The following PDGFD variants were observed in gnomAD, a reference collection of about 807,000 sequenced individuals.
The protein encoded by PDGFD is platelet derived growth factor D, also known as platelet-derived growth factor D.
PDGFD carries 30 observed loss-of-function variants against 44.7 expected under a neutral mutation model. That is an observed-to-expected ratio of 0.67 (90% CI 0.50 to 0.91). The LOEUF is 0.91. PDGFD is among the 40% of genes least tolerant of loss of function. The pLI is 0.00. For missense variants in PDGFD, 445 were observed against 457.8 expected, an observed-to-expected ratio of 0.97 and a Z score of 0.25; for synonymous variants, 173 against 168.4, an observed-to-expected ratio of 1.03 and a Z score of -0.21.
intron 1 of PDGFD, among the ~76,000 whole-genome samples, chr11:104,077,372 G>T (rs904403080): frequency 6.6e-6 from 1 of 152,174 alleles, no homozygotes; most frequent in Admixed American, 6.6e-5. Context: ...GCAAATTCTG[G>T]AAGAGAAAGA....
chr11:104,120,603 T>C (rs2134463005), intron 1 of PDGFD, among the ~76,000 whole-genome samples: 1 of 152,056 alleles, frequency 6.6e-6, no homozygotes, highest in East Asian at 1.9e-4. Flanking sequence ...TTTGTGTATG[T>C]TTACTATCTC....
chr11:104,143,900 C>G (rs932073074), intron 1 of PDGFD, among the ~76,000 whole-genome samples: 10 of 152,182 alleles, frequency 6.6e-5, no homozygotes, highest in Non-Finnish European at 1.3e-4. Flanking sequence ...AAATTTCTAT[C>G]CTTTTTCTTA....
intron 1 of PDGFD, among the ~76,000 whole-genome samples, chr11:104,055,775 A>G (rs1860609194): frequency 6.6e-6 from 1 of 152,146 alleles, no homozygotes; most frequent in Non-Finnish European, 1.5e-5. Flanking sequence ...GTGCTATAGA[A>G]ATTACTACTG....
intron 2 of PDGFD, 147 bp from the exon 3 acceptor site, chr11:103,996,392 A>G (rs1859535088): frequency 2.5e-6 from 2 of 802,592 alleles, no homozygotes; most frequent in Non-Finnish European, 3.8e-6. Flanking sequence ...TGTTAAAAGG[A>G]AAACTGGTTT....
At chr11:104,118,003 T>C (rs1433930818) in intron 1 of PDGFD, among the ~76,000 whole-genome samples, 1 of 152,004 alleles carries the variant, frequency 6.6e-6, no homozygotes, top group African/African-American at 2.4e-5. Context: ...AGTGACTAAA[T>C]TTTGTATATT....
At chr11:104,011,927 G>T (rs557318929) in intron 1 of PDGFD, among the ~76,000 whole-genome samples, 2 of 152,200 alleles carry the variant, frequency 1.3e-5, no homozygotes, top group East Asian at 3.9e-4. Context: ...ATTGTATTTT[G>T]ATTTGTCACT....
At chr11:104,145,158 G>A (rs112155935) in intron 1 of PDGFD, among the ~76,000 whole-genome samples, 123 of 152,186 alleles carry the variant, frequency 8.1e-4, no homozygotes, top group African/African-American at 2.7e-3. Flanking sequence ...AATACATAGC[G>A]AGCAAGTGGT....
At position 104,081,638 on chromosome 11, in the gene PDGFD, G is replaced by T. The variant is rs376289380; in HGVS notation, c.125-81383C>A. On this transcript the variant is annotated intron_variant, in intron 1 of 6. Transcript: ENST00000393158. ...AAAACAGTTCAATTCTGCAATTACA[G>T]CTGTTGATAAGAATATTCAGCTATG... Among the ~76,000 whole-genome samples, 3 of 152,158 alleles carry T rather than the reference G, an allele frequency of 2.0e-5. No individual in the cohort carries two copies. The South Asian group carries it at 6.2e-4, about 32-fold the overall frequency.
At chr11:103,968,136 T>C (rs1859048860) in intron 3 of PDGFD, among the ~76,000 whole-genome samples, 1 of 152,308 alleles carries the variant, frequency 6.6e-6, no homozygotes, top group South Asian at 2.1e-4. Context: ...TGTAATATTA[T>C]GCTCTGGTGT....
intron 1 of PDGFD, among the ~76,000 whole-genome samples, chr11:104,043,806 T>A (rs1019326869): frequency 2.6e-5 from 4 of 152,056 alleles, no homozygotes; most frequent in Non-Finnish European, 5.9e-5. Flanking sequence ...AGATCTTGCA[T>A]AGGGGACTCA....
intron 5 of PDGFD, among the ~76,000 whole-genome samples, chr11:103,941,528 A>C (rs1858583708): frequency 6.6e-6 from 1 of 152,118 alleles, no homozygotes; most frequent in Non-Finnish European, 1.5e-5. Context: ...ACACGTATCA[A>C]GTGTCAGGTG....
chr11:104,147,357 A>C (rs2119893733), intron 1 of PDGFD, among the ~76,000 whole-genome samples: 1 of 152,270 alleles, frequency 6.6e-6, no homozygotes, highest in East Asian at 1.9e-4. Flanking sequence ...ACAATCCAAT[A>C]AGGTATTTCC....
chr11:104,161,728 C>G (rs867905026), intron 1 of PDGFD, among the ~76,000 whole-genome samples: 1 of 152,164 alleles, frequency 6.6e-6, no homozygotes, highest in African/African-American at 2.4e-5. Context: ...AATTGCACCC[C>G]ATTGGGGACA....
chr11:104,091,533 G>A (rs1861212866), intron 1 of PDGFD, among the ~76,000 whole-genome samples: 1 of 152,154 alleles, frequency 6.6e-6, no homozygotes, highest in Admixed American at 6.6e-5. Flanking sequence ...CAGCAACAGT[G>A]TTCTTAGATA....
chr11:104,151,297 T>C (rs1862241712), intron 1 of PDGFD, among the ~76,000 whole-genome samples: 1 of 152,190 alleles, frequency 6.6e-6, no homozygotes, highest in Non-Finnish European at 1.5e-5. Flanking sequence ...TATTTCTAAA[T>C]TGGATTTTCA....
At chr11:103,935,348 C>T (rs1353787266) in intron 5 of PDGFD, among the ~76,000 whole-genome samples, 3 of 152,116 alleles carry the variant, frequency 2.0e-5, no homozygotes, top group Non-Finnish European at 2.9e-5. Context: ...CCCTCATAGA[C>T]ACACACAATA....
chr11:104,052,465 T>C (rs1860555553), intron 1 of PDGFD, among the ~76,000 whole-genome samples: 1 of 152,180 alleles, frequency 6.6e-6, no homozygotes, highest in African/African-American at 2.4e-5. Context: ...ATTTAGATAT[T>C]CACTAATGAG....
chr11:103,992,690 G>T (rs1057059627), intron 3 of PDGFD, among the ~76,000 whole-genome samples: 1 of 152,156 alleles, frequency 6.6e-6, no homozygotes, highest in African/African-American at 2.4e-5. Flanking sequence ...CAAAAACTGT[G>T]ATATAAGCAT....
chr11:104,161,661 C>T (rs1365479899), intron 1 of PDGFD, among the ~76,000 whole-genome samples: 1 of 152,152 alleles, frequency 6.6e-6, no homozygotes. Flanking sequence ...TCTGCTAGCC[C>T]TTTGAAGGAA....
Sources: allele counts gnomAD v4.1 joint callset (sites outside exome capture counted in the v4.1 genomes callset), GRCh38; gene constraint gnomAD v4.1.1; transcripts MANE v1.5; gene names NCBI Gene and HGNC (gene_info 2026-07-23, HGNC 2026-07-21).